WDR33: variants seen among roughly 807,000 people sequenced by gnomAD.
The protein encoded by WDR33 is pre-mRNA 3' end processing protein WDR33.
Under a neutral mutation model 164.9 loss-of-function variants are expected in WDR33, and 47 were observed. The ratio of observed to expected loss-of-function variants is 0.29; its 90% CI spans 0.23 to 0.36. The LOEUF is 0.36. Ranked by LOEUF, WDR33 falls within the 10% of genes least tolerant of loss-of-function variation. WDR33 has a pLI of 1.00. For missense variants in WDR33, 1,137 were observed against 1,754.1 expected, an observed-to-expected ratio of 0.65 and a Z score of 6.28; for synonymous variants, 505 against 589.0, an observed-to-expected ratio of 0.86 and a Z score of 2.06.
chr2:127,724,836 C>T lies in WDR33; in HGVS notation c.1085+51G>A. ...CAAAACTATCATGTCTGCACACATTCACGTGCTCTCTTCACAAAATACACT... is the reference window on the plus strand; with the variant it reads ...CAAAACTATCATGTCTGCACACATTTACGTGCTCTCTTCACAAAATACACT... On this transcript the variant is annotated intron_variant, in intron 10 of 21. Transcript: ENST00000322313. The surrounding 1 kb of genome is among the most constrained non-coding windows in gnomAD (Gnocchi z 4.8). The T allele has an allele frequency of 6.3e-7, 1 of 1,579,586 alleles. No individual in the cohort carries two copies. The highest frequency in any genetic ancestry group is 8.7e-7 in the Non-Finnish European group (1 of 1,148,640).
At chr2:127,733,888 T>C (rs901913142) in intron 7 of WDR33, among the ~76,000 whole-genome samples, 1 of 152,196 alleles carries the variant, frequency 6.6e-6, no homozygotes, top group Non-Finnish European at 1.5e-5. Flanking sequence ...TCCAGCCCTC[T>C]AACTCTGCAG....
chr2:127,750,693 T>TGTATACATAC (rs1687316338), intron 7 of WDR33, among the ~76,000 whole-genome samples: 3 of 51,694 alleles, frequency 5.8e-5, no homozygotes, highest in African/African-American at 3.1e-4. Context: ...TATATATATA[T>TGTATACATAC]ATATATATAT....
chr2:127,792,398 C>T (rs146532444), intron 1 of WDR33, among the ~76,000 whole-genome samples: 2,403 of 151,986 alleles, frequency 0.016, 131 homozygotes, highest in East Asian at 0.15. Flanking sequence ...AGGTGGCTCA[C>T]GCCTATAATC....
rs745373904 is a variant in WDR33, at chr2:127,717,200, G to A, written c.2824C>T (p.Arg942Cys). 329 of 1,609,896 alleles carry A rather than the reference G, an allele frequency of 2.0e-4. No individual in the cohort carries two copies. The highest frequency in any genetic ancestry group is 2.8e-4 in the Non-Finnish European group (324 of 1,178,108). The change falls in exon 17 of 22, where the codon CGC (arginine) becomes TGC (cysteine). Residue 942 changes from arginine to cysteine, a missense_variant. Arg to Cys is a radical substitution (Grantham distance 180). Coordinates refer to ENST00000322313, the MANE Select transcript of WDR33 (RefSeq NM_018383.5). This position sits in a 1 kb window ranked among gnomAD's most constrained non-coding sequence, Gnocchi z 5.6. ...PGLGQQGAQG[R>C]IPPLNPGQGP... ...TGTCCGGGGTTCAGAGGGGGAATGCGACCTTGTGCTCCCTGCTGCCCTAGG... is the reference window on the plus strand; with the variant it reads ...TGTCCGGGGTTCAGAGGGGGAATGCAACCTTGTGCTCCCTGCTGCCCTAGG...
chr2:127,735,293 T>C lies in WDR33; in HGVS notation c.725-8516A>G, dbSNP rs1449006141. 6.1e-6 allele frequency: 5 copies of C among 817,510 alleles called. No homozygotes were observed. Among genetic ancestry groups the C allele is most frequent in the Non-Finnish European group, 7.4e-6 (5 of 676,986 alleles). 50.6% of individuals were successfully genotyped at this position (817,510 alleles called of 1,614,324 possible). A position where few individuals can be genotyped will look rare whatever the true frequency, so the allele number is the denominator to read the frequency against. On this transcript the variant is annotated intron_variant, in intron 7 of 21. Coordinates refer to ENST00000322313, the MANE Select transcript of WDR33 (RefSeq NM_018383.5). This position sits in a 1 kb window ranked among gnomAD's most constrained non-coding sequence, Gnocchi z 4.3. The stretch of plus-strand genomic sequence containing the variant: ...ACCTGATCACCCCTCCTCCACCTCA[T>C]CAGATCCTAAGGAACCTGTTACCCC...
At chr2:127,775,687 C>A (rs186253087) in intron 1 of WDR33, among the ~76,000 whole-genome samples, 1 of 152,146 alleles carries the variant, frequency 6.6e-6, no homozygotes, top group Admixed American at 6.5e-5. Flanking sequence ...ATAATTCACA[C>A]GTTAAAGCTA....
intron 7 of WDR33, among the ~76,000 whole-genome samples, chr2:127,742,382 C>T (rs1186340683): frequency 6.6e-6 from 1 of 151,636 alleles, no homozygotes; most frequent in Non-Finnish European, 1.5e-5. Flanking sequence ...ATAAAATTAG[C>T]TATGCATGGT....
chr2:127,801,563 T>C (rs1028259526), intron 1 of WDR33, among the ~76,000 whole-genome samples: 9 of 147,904 alleles, frequency 6.1e-5, no homozygotes, highest in Non-Finnish European at 7.5e-5. Context: ...AAAAACAGTA[T>C]AGAGGTTCTT....
chr2:127,761,390 C>T (rs886277835), intron 7 of WDR33, among the ~76,000 whole-genome samples: 8 of 152,042 alleles, frequency 5.3e-5, no homozygotes, highest in African/African-American at 1.9e-4. Context: ...TCAGTAGAGA[C>T]AGAGTTTCAT....
At chr2:127,759,880 T>G (rs887940113) in intron 7 of WDR33, among the ~76,000 whole-genome samples, 6 of 152,030 alleles carry the variant, frequency 3.9e-5, no homozygotes, top group Non-Finnish European at 5.9e-5. Flanking sequence ...GACTCTATTT[T>G]TTTAAAAAAA....
chr2:127,706,605 A>G lies in WDR33; in HGVS notation c.3782-53T>C. 6.7e-7 allele frequency: 1 copy of G among 1,487,726 alleles called. No individual in the cohort carries two copies. The highest frequency in any genetic ancestry group is 9.2e-7 in the Non-Finnish European group (1 of 1,089,690). 92.2% of individuals were successfully genotyped at this position (1,487,726 alleles called of 1,614,324 possible). The stretch of plus-strand genomic sequence containing the variant: ...CTTTTTGTATTAGCAACTGTTTGTC[A>G]GTAACTCCCAGTACAAACTTTACTC... On this transcript the variant is annotated intron_variant, in intron 21 of 21. Coordinates refer to ENST00000322313, the MANE Select transcript of WDR33 (RefSeq NM_018383.5). The surrounding 1 kb of genome is among the most constrained non-coding windows in gnomAD (Gnocchi z 5.1).
At chr2:127,737,272 T>TCTGAGAC (rs1270190344) in intron 7 of WDR33, 1 of 985,338 alleles carries the variant, frequency 1.0e-6, no homozygotes, top group Non-Finnish European at 1.2e-6. Context: ...CAGCCATTTG[T>TCTGAGAC]CTGAGACGGG....
At position 127,709,413 on chromosome 2, in the gene WDR33, C is replaced by G; in HGVS notation, c.3565+77G>C. On this transcript the variant is annotated intron_variant, in intron 20 of 21. Transcript: ENST00000322313. The surrounding 1 kb of genome is among the most constrained non-coding windows in gnomAD (Gnocchi z 5.0). ...TGAGCTGGAAAGAGGAGACCCGGTG[C>G]ACCCCAGAGAGGGCCCTCAGAACTC... 1 of 1,408,734 alleles carries G rather than the reference C, an allele frequency of 7.1e-7. No homozygotes were observed. Among genetic ancestry groups the G allele is most frequent in the Non-Finnish European group, 1.0e-6 (1 of 999,080 alleles). 87.3% of individuals were successfully genotyped at this position (1,408,734 alleles called of 1,614,324 possible).
Position 127,802,907 on chromosome 2 carries a change from C to T in WDR33, c.-24+8105G>A, listed in dbSNP as rs576086495. 4.6e-5 allele frequency among the ~76,000 whole-genome samples: 7 copies of T among 151,926 alleles called. No individual in the cohort carries two copies. The East Asian group carries it at 1.2e-3, about 25-fold the overall frequency. On this transcript the variant is annotated intron_variant, in intron 1 of 21. Transcript: ENST00000322313. ...GAGGTGGGAGGATCACCCAAACCTG[C>T]GAGGTTGAGGCTACAGGGAGCCAAA...
chr2:127,768,425 A>G, intron 3 of WDR33, 132 bp from the exon 4 acceptor site: 1 of 518,558 alleles, frequency 1.9e-6, no homozygotes, highest in Admixed American at 3.7e-5. Flanking sequence ...CATAAAAACT[A>G]TTATAAAGTA....
intron 8 of WDR33, among the ~76,000 whole-genome samples, chr2:127,725,861 T>C (rs895433051): frequency 1.3e-5 from 2 of 152,076 alleles, no homozygotes; most frequent in African/African-American, 4.8e-5. Context: ...TAATATTCAA[T>C]AAAGCTCATT....
chr2:127,745,831 T>A (rs1687151741), intron 7 of WDR33, among the ~76,000 whole-genome samples: 1 of 152,060 alleles, frequency 6.6e-6, no homozygotes, highest in African/African-American at 2.4e-5. Flanking sequence ...CAGCACGTCG[T>A]TCTCCAGAAA....
intron 1 of WDR33, among the ~76,000 whole-genome samples, chr2:127,794,869 T>G (rs1265446163): frequency 7.8e-6 from 1 of 128,794 alleles, no homozygotes; most frequent in African/African-American, 2.9e-5. Context: ...AAGAAAGAAA[T>G]ACTTTCAAGC....
intron 1 of WDR33, among the ~76,000 whole-genome samples, chr2:127,801,745 G>A (rs754909225): frequency 1.4e-4 from 22 of 151,992 alleles, no homozygotes; most frequent in Non-Finnish European, 2.6e-4. Flanking sequence ...TTAGCTGGGC[G>A]TGGTGGTGCA....
Sources: allele counts gnomAD v4.1 joint callset (sites outside exome capture counted in the v4.1 genomes callset), GRCh38; gene constraint gnomAD v4.1.1; non-coding constraint Gnocchi (gnomAD v3.1); transcripts MANE v1.5; gene names NCBI Gene and HGNC (gene_info 2026-07-23, HGNC 2026-07-21).